The following HEXB variants were observed in gnomAD, a reference collection of about 807,000 sequenced individuals.
The protein encoded by HEXB is beta-hexosaminidase subunit beta.
Under a neutral mutation model 71.2 loss-of-function variants are expected in HEXB, and 51 were observed. The observed-to-expected ratio is 0.72, with a 90% CI of 0.57 to 0.90. HEXB has a LOEUF of 0.90. Ranked by LOEUF, HEXB falls within the 40% of genes least tolerant of loss-of-function variation. HEXB has a pLI of 0.00. For missense variants in HEXB, 617 were observed against 677.0 expected (o/e 0.91, Z 0.98); for synonymous variants, 266 against 249.3 (o/e 1.07, Z -0.63).
At chr5:74,716,488 T>C (rs1353208948) in intron 8 of HEXB, 99 bp from the exon 9 acceptor site, 1 of 703,526 alleles carries the variant, frequency 1.4e-6, no homozygotes, top group Middle Eastern at 3.9e-4. Context: ...CTTTAATAGT[T>C]TTAAGTCTGC....
At chr5:74,666,494 G>A (rs1748433836) in intron 1 of HEXB, among the ~76,000 whole-genome samples, 1 of 152,200 alleles carries the variant, frequency 6.6e-6, no homozygotes, top group Non-Finnish European at 1.5e-5. Context: ...GGATCAGTTG[G>A]AAGTCTTGTT....
upstream of HEXB, among the ~76,000 whole-genome samples, chr5:74,682,129 C>A (rs1431218448): frequency 3.3e-5 from 5 of 152,222 alleles, no homozygotes; most frequent in African/African-American, 1.2e-4. Flanking sequence ...GAGGCCGAGA[C>A]GGGCAGATCA....
intron 5 of HEXB, 108 bp from the exon 6 acceptor site, chr5:74,705,111 A>T (rs1024544786): frequency 2.3e-5 from 15 of 655,344 alleles, no homozygotes; most frequent in Non-Finnish European, 4.0e-5. Flanking sequence ...AAAAAAAAAA[A>T]AGTTTTAAAG....
intron 6 of HEXB, chr5:74,705,783 A>G (rs1749372367): frequency 4.7e-6 from 1 of 211,160 alleles, no homozygotes; most frequent in South Asian, 7.4e-5. Context: ...GTTCAAATTG[A>G]CTGTATCATG....
chr5:74,645,721 T>G (rs1258020431), intron 1 of HEXB, among the ~76,000 whole-genome samples: 1 of 152,226 alleles, frequency 6.6e-6, no homozygotes, highest in Non-Finnish European at 1.5e-5. Flanking sequence ...TGATCTAGAC[T>G]GCTTATGTTG....
intron 7 of HEXB, among the ~76,000 whole-genome samples, chr5:74,713,882 C>T (rs1429382772): frequency 6.6e-6 from 1 of 152,116 alleles, no homozygotes; most frequent in African/African-American, 2.4e-5. Flanking sequence ...ACTCCGTTGC[C>T]CAGGCTGGAG....
chr5:74,670,725 A>T (rs1748518720), intron 1 of HEXB, among the ~76,000 whole-genome samples: 1 of 152,226 alleles, frequency 6.6e-6, no homozygotes, highest in African/African-American at 2.4e-5. Flanking sequence ...TCATGGGTGC[A>T]CCTGCCCGGG....
chr5:74,646,249 C>T (rs1161140506), intron 1 of HEXB, among the ~76,000 whole-genome samples: 1 of 152,266 alleles, frequency 6.6e-6, no homozygotes, highest in South Asian at 2.1e-4. Context: ...GAATGATATT[C>T]TTGAAACCTG....
At chr5:74,716,206 G>A (rs1234893142) in intron 8 of HEXB, among the ~76,000 whole-genome samples, 1 of 151,964 alleles carries the variant, frequency 6.6e-6, no homozygotes, top group Non-Finnish European at 1.5e-5. Context: ...AGTAAAGCTT[G>A]AGGAAAAACA....
intron 1 of HEXB, among the ~76,000 whole-genome samples, chr5:74,667,251 T>C (rs1377885950): frequency 2.0e-5 from 2 of 98,890 alleles, no homozygotes; most frequent in East Asian, 4.6e-4. Flanking sequence ...CCTGCTCTAC[T>C]AAAATTACAA....
At chr5:74,686,967 T>C (rs1322783985) in intron 1 of HEXB, among the ~76,000 whole-genome samples, 1 of 152,222 alleles carries the variant, frequency 6.6e-6, no homozygotes, top group Non-Finnish European at 1.5e-5. Flanking sequence ...CTGAACTGAC[T>C]GTGACAAGAA....
At chr5:74,686,922 CAT>C (rs1748888491) in intron 1 of HEXB, among the ~76,000 whole-genome samples, 1 of 152,224 alleles carries the variant, frequency 6.6e-6, no homozygotes, top group Non-Finnish European at 1.5e-5. Context: ...CCTTCTGTGT[CAT>C]ACTGCTAAGT....
chr5:74,662,573 A>G (rs1321344249), intron 1 of HEXB, among the ~76,000 whole-genome samples: 3 of 152,220 alleles, frequency 2.0e-5, no homozygotes, highest in Non-Finnish European at 4.4e-5. Flanking sequence ...CTGGTCCAAA[A>G]GGAATAGATG....
chr5:74,682,366 C>A (rs1005103354), upstream of HEXB, among the ~76,000 whole-genome samples: 1 of 152,012 alleles, frequency 6.6e-6, no homozygotes. Flanking sequence ...TCAAAAAAAA[C>A]AAAACAAAAC....
intron 1 of HEXB, among the ~76,000 whole-genome samples, chr5:74,667,010 A>G (rs148953043): frequency 0.012 from 1,829 of 152,282 alleles, 21 homozygotes; most frequent in Middle Eastern, 0.02. Context: ...TAGAGACAGT[A>G]GGGTCTATAG....
At chr5:74,668,232 G>T (rs1247890177) in intron 1 of HEXB, among the ~76,000 whole-genome samples, 1 of 72,224 alleles carries the variant, frequency 1.4e-5, no homozygotes, top group Non-Finnish European at 3.3e-5. Context: ...TGTTTTGTTT[G>T]TGTGTGTGTG....
intron 1 of HEXB, among the ~76,000 whole-genome samples, chr5:74,668,100 T>C (rs895458512): frequency 5.3e-5 from 8 of 152,162 alleles, no homozygotes; most frequent in Non-Finnish European, 1.0e-4. Flanking sequence ...TGTGATCCAT[T>C]TGGAGACTGG....
At chr5:74,692,721 G>A (rs56320720) in intron 2 of HEXB, among the ~76,000 whole-genome samples, 31,350 of 152,120 alleles carry the variant, frequency 0.21, 3,458 homozygotes, top group African/African-American at 0.26. Context: ...GGTGGTAGAA[G>A]GTGATAAACC....
At chr5:74,677,203 A>T (rs529657745) in intron 1 of HEXB, among the ~76,000 whole-genome samples, 3 of 152,238 alleles carry the variant, frequency 2.0e-5, no homozygotes, top group African/African-American at 7.2e-5. Context: ...TGCATCACAA[A>T]TTCCAGAAAC....
Sources: gnomAD v4.1 joint callset for allele counts (sites outside exome capture counted in the v4.1 genomes callset) on GRCh38, gnomAD v4.1.1 for gene constraint, MANE v1.5 for transcripts, NCBI Gene and HGNC (gene_info 2026-07-23, HGNC 2026-07-21) for gene names.